The following GRIN2B variants were observed in gnomAD, a reference collection of about 807,000 sequenced individuals.
GRIN2B encodes the protein glutamate ionotropic receptor NMDA type subunit 2B.
GRIN2B carries 5 observed loss-of-function variants against 114.5 expected under a neutral mutation model. That is an observed-to-expected ratio of 0.04 (90% CI 0.02 to 0.09). The LOEUF (loss-of-function observed/expected upper bound fraction) is 0.09. Among genes scored for constraint, GRIN2B ranks in the 10% least tolerant of loss-of-function variants. The probability of loss-of-function intolerance (pLI) is 1.00; values close to 1 mark genes in which losing one functional copy is unlikely to be tolerated. For synonymous variants in GRIN2B, 787 were observed against 745.1 expected (o/e 1.06, Z -0.92); for missense variants, 1,108 against 1,943.5 (o/e 0.57, Z 8.08).
intron 4 of GRIN2B, among the ~76,000 whole-genome samples, chr12:13,720,280 T>A (rs1950495714): frequency 6.6e-6 from 1 of 151,992 alleles, no homozygotes; most frequent in Non-Finnish European, 1.5e-5. Flanking sequence ...TTTTCTTACA[T>A]CCCCAATACA....
At chr12:13,883,626 T>A (rs1866101884) in intron 2 of GRIN2B, among the ~76,000 whole-genome samples, 1 of 152,138 alleles carries the variant, frequency 6.6e-6, no homozygotes, top group South Asian at 2.1e-4. Flanking sequence ...ACATCTTCTG[T>A]CCACTTTGCA....
At chr12:13,612,378 C>T (rs983067092) in intron 8 of GRIN2B, among the ~76,000 whole-genome samples, 6 of 152,192 alleles carry the variant, frequency 3.9e-5, no homozygotes, top group African/African-American at 1.4e-4. Flanking sequence ...TGTATCATTT[C>T]TCTTAAACTT....
At chr12:13,693,955 T>G (rs565846663) in intron 4 of GRIN2B, among the ~76,000 whole-genome samples, 2 of 152,082 alleles carry the variant, frequency 1.3e-5, no homozygotes, top group South Asian at 2.1e-4. Flanking sequence ...TGCTCTCAGA[T>G]GCACTCTCCT....
chr12:13,763,781 T>G (rs1159709546), intron 3 of GRIN2B, among the ~76,000 whole-genome samples: 2 of 152,168 alleles, frequency 1.3e-5, no homozygotes, highest in Non-Finnish European at 2.9e-5. Context: ...TTTCTGACCC[T>G]CCCTAGACCT....
At chr12:13,781,289 T>G (rs1364919649) in intron 3 of GRIN2B, among the ~76,000 whole-genome samples, 6 of 152,224 alleles carry the variant, frequency 3.9e-5, no homozygotes, top group Admixed American at 2.6e-4. Flanking sequence ...ATGATATTCG[T>G]CTGGGTTAAA....
At chr12:13,961,427 T>C (rs954788148) in intron 2 of GRIN2B, among the ~76,000 whole-genome samples, 2 of 152,146 alleles carry the variant, frequency 1.3e-5, no homozygotes, top group South Asian at 4.2e-4. Flanking sequence ...GTGGAAGAAT[T>C]GGAGGGCACA....
intron 5 of GRIN2B, among the ~76,000 whole-genome samples, chr12:13,635,272 C>T (rs1279183975): frequency 6.6e-6 from 1 of 152,106 alleles, no homozygotes; most frequent in Non-Finnish European, 1.5e-5. Context: ...GATGGTGAAA[C>T]CAAGTCAGCT....
chr12:13,602,413 T>A (rs4764013), intron 10 of GRIN2B, among the ~76,000 whole-genome samples: 139,671 of 152,266 alleles, frequency 0.92, 64,196 homozygotes, highest in East Asian at 0.99. Flanking sequence ...GAGCGAGATG[T>A]TCTGGGCCAG....
intron 8 of GRIN2B, among the ~76,000 whole-genome samples, chr12:13,614,430 T>A (rs952616013): frequency 1.3e-5 from 2 of 152,128 alleles, no homozygotes; most frequent in Non-Finnish European, 2.9e-5. Context: ...CCTCATTCCA[T>A]GGCCCCTGCA....
In GRIN2B at chr12:13,895,119, C is replaced by T. The variant is rs576804214; in HGVS notation, c.-18-28893G>A. 4.9e-4 allele frequency among the ~76,000 whole-genome samples: 74 copies of T among 152,272 alleles called. No individual in the cohort carries two copies. In the South Asian group the frequency reaches 6.8e-3, roughly 14 times the overall value. On this transcript the variant is annotated intron_variant, in intron 2 of 13. Transcript: ENST00000609686. Reference sequence around the variant, plus strand: ...TGCATGAATATTAGAGCAACTAAGACTTGAATGGTTTGATTCAGTTCAACC... The same window carrying T: ...TGCATGAATATTAGAGCAACTAAGATTTGAATGGTTTGATTCAGTTCAACC...
At chr12:13,851,717 C>T (rs1484160591) in intron 3 of GRIN2B, among the ~76,000 whole-genome samples, 2 of 152,172 alleles carry the variant, frequency 1.3e-5, no homozygotes, top group Admixed American at 6.5e-5. Context: ...TTAACTCCTT[C>T]GTTCTCACCA....
intron 13 of GRIN2B, among the ~76,000 whole-genome samples, chr12:13,565,045 C>A (rs921833245): frequency 2.0e-5 from 3 of 152,220 alleles, no homozygotes; most frequent in African/African-American, 7.2e-5. Flanking sequence ...TGGAAATAAA[C>A]GGCCATGTTC....
chr12:13,728,723 A>C (rs578220633), intron 4 of GRIN2B, among the ~76,000 whole-genome samples: 1 of 152,318 alleles, frequency 6.6e-6, no homozygotes, highest in East Asian at 1.9e-4. Context: ...AGTGAAAATT[A>C]GATGGATGGA....
At chr12:13,942,121 T>A (rs958689625) in intron 2 of GRIN2B, among the ~76,000 whole-genome samples, 1 of 152,168 alleles carries the variant, frequency 6.6e-6, no homozygotes, top group East Asian at 1.9e-4. Context: ...TGTTACTTTT[T>A]CCATTGGAAC....
rs371929367 is a variant in GRIN2B, at chr12:13,771,791, C to G, written c.412-17876G>C. Among the ~76,000 whole-genome samples, 15 of 152,306 alleles carry G rather than the reference C, an allele frequency of 9.8e-5. No individual in the cohort carries two copies. The South Asian group carries it at 1.9e-3, about 19-fold the overall frequency. ...TTCATATTGGTTTACAAACTGGTTA[C>G]GTTGTTAAATTAACCATCACTTTCA... is the stretch of plus-strand genomic sequence containing the variant. On this transcript the variant is annotated intron_variant, in intron 3 of 13. Transcript: ENST00000609686.
intron 2 of GRIN2B, among the ~76,000 whole-genome samples, chr12:13,952,728 T>A (rs541547940): frequency 2.0e-5 from 3 of 152,214 alleles, no homozygotes; most frequent in Non-Finnish European, 4.4e-5. Context: ...GGCATGAAAA[T>A]AAAATGTTAG....
chr12:13,833,628 A>C (rs1424770329), intron 3 of GRIN2B, among the ~76,000 whole-genome samples: 1 of 152,122 alleles, frequency 6.6e-6, no homozygotes, highest in East Asian at 1.9e-4. Context: ...TTGCCACCTG[A>C]TAGGTAACTT....
chr12:13,704,285 C>T (rs142930723), intron 4 of GRIN2B, among the ~76,000 whole-genome samples: 2 of 151,990 alleles, frequency 1.3e-5, no homozygotes, highest in African/African-American at 2.4e-5. Flanking sequence ...CCAGGGCTTG[C>T]GGGAAAACTC....
At chr12:13,594,529 TG>T (rs1454513469) in intron 10 of GRIN2B, among the ~76,000 whole-genome samples, 2 of 104,344 alleles carry the variant, frequency 1.9e-5, no homozygotes, top group East Asian at 2.5e-4. Flanking sequence ...TGTAAGGGGG[TG>T]GGGGGCTAGG....
Sources: gnomAD v4.1 joint callset for allele counts (sites outside exome capture counted in the v4.1 genomes callset) on GRCh38, gnomAD v4.1.1 for gene constraint, MANE v1.5 for transcripts, NCBI Gene and HGNC (gene_info 2026-07-23, HGNC 2026-07-21) for gene names.